Variants in RNGTT observed in about 807,000 individuals in gnomAD.
The protein encoded by RNGTT is RNA guanylyltransferase and 5'-phosphatase, also known as mRNA-capping enzyme.
Under a neutral mutation model 79.3 loss-of-function variants are expected in RNGTT, and 33 were observed. That is an observed-to-expected ratio of 0.42 (90% CI 0.32 to 0.56). The LOEUF is 0.56. Among genes scored for constraint, RNGTT ranks in the 20% least tolerant of loss-of-function variants. The pLI is 0.17. For missense variants in RNGTT, 497 were observed against 739.1 expected (o/e 0.67, Z 3.80); for synonymous variants, 222 against 235.9 (o/e 0.94, Z 0.54).
intron 12 of RNGTT, among the ~76,000 whole-genome samples, chr6:88,770,890 T>G (rs1778633145): frequency 6.6e-6 from 1 of 152,168 alleles, no homozygotes; most frequent in East Asian, 1.9e-4. Context: ...TGTTTATTGC[T>G]ATCTGTATAC....
chr6:88,806,888 T>A (rs1018056300), intron 11 of RNGTT, among the ~76,000 whole-genome samples: 3 of 152,116 alleles, frequency 2.0e-5, no homozygotes, highest in Non-Finnish European at 2.9e-5. Context: ...ATGATACATA[T>A]ACACAATGGA....
At chr6:88,939,260 G>A (rs2127957849) in intron 2 of RNGTT, among the ~76,000 whole-genome samples, 1 of 152,122 alleles carries the variant, frequency 6.6e-6, no homozygotes, top group Non-Finnish European at 1.5e-5. Context: ...CCACTTTCTG[G>A]TGTCCTATAT....
At position 88,638,525 on chromosome 6, in the gene RNGTT, T is replaced by C. The variant is rs751611069; in HGVS notation, c.1507-24130A>G. Among the ~76,000 whole-genome samples, 48 of 152,170 alleles carry C rather than the reference T, an allele frequency of 3.2e-4. 1 individual carries two copies. Among genetic ancestry groups the C allele is most frequent in the Non-Finnish European group, 4.6e-4 (31 of 67,990 alleles). ...TTATCTCTAAGACAGAAGGTATCTT[T>C]GTTGTGATAAGTTCAATGTTCTACC... is the stretch of plus-strand genomic sequence containing the variant. On this transcript the variant is annotated intron_variant, in intron 14 of 15. Transcript: ENST00000369485.
chr6:88,693,443 A>T (rs933063282), intron 13 of RNGTT, among the ~76,000 whole-genome samples: 2 of 152,136 alleles, frequency 1.3e-5, no homozygotes, highest in East Asian at 3.8e-4. Context: ...GAACAAACCA[A>T]TTACAAGTAA....
intron 11 of RNGTT, among the ~76,000 whole-genome samples, chr6:88,830,872 C>A (rs1267974393): frequency 6.6e-6 from 1 of 152,156 alleles, no homozygotes; most frequent in Admixed American, 6.5e-5. Flanking sequence ...CATACACTCT[C>A]CCAAGACTAA....
intron 14 of RNGTT, among the ~76,000 whole-genome samples, chr6:88,673,861 TTC>T: frequency 6.6e-6 from 1 of 152,350 alleles, no homozygotes; most frequent in South Asian, 2.1e-4. Flanking sequence ...TCAGATAAGC[TTC>T]TCTCTTTTTA....
At chr6:88,872,175 C>T (rs1782379683) in intron 8 of RNGTT, among the ~76,000 whole-genome samples, 2 of 152,060 alleles carry the variant, frequency 1.3e-5, no homozygotes, top group Admixed American at 1.3e-4. Flanking sequence ...TTTTCTCTTG[C>T]TAATCTATGT....
intron 12 of RNGTT, among the ~76,000 whole-genome samples, chr6:88,793,045 A>G (rs960674423): frequency 6.6e-6 from 1 of 152,226 alleles, no homozygotes; most frequent in Non-Finnish European, 1.5e-5. Flanking sequence ...TATGTACCAC[A>G]TCCTTCTTAC....
At chr6:88,772,635 A>AC (rs36153646) in intron 12 of RNGTT, among the ~76,000 whole-genome samples, 80,362 of 151,614 alleles carry the variant, frequency 0.53, 22,744 homozygotes, top group African/African-American at 0.74. Flanking sequence ...AGAAAAAAAA[A>AC]GACCCCATCA....
chr6:88,778,213 T>G (rs1398738192), intron 12 of RNGTT, among the ~76,000 whole-genome samples: 1 of 152,108 alleles, frequency 6.6e-6, no homozygotes, highest in Non-Finnish European at 1.5e-5. Context: ...GTCTTAAAAT[T>G]GATTATAGAG....
At chr6:88,797,676 AAAAAG>A (rs1390914674) in intron 12 of RNGTT, among the ~76,000 whole-genome samples, 1 of 152,070 alleles carries the variant, frequency 6.6e-6, no homozygotes, top group Non-Finnish European at 1.5e-5. Context: ...ACTTTTCTAA[AAAAAG>A]AAAATACAAT....
rs6911985 is a variant in RNGTT, at chr6:88,858,162, C to T, written c.897-4398G>A. ...TCATTTACATTGATTTATTTCACCA[C>T]CATCTCTATCTCTATCCATTTTTCC... On this transcript the variant is annotated intron_variant, in intron 8 of 15. Transcript: ENST00000369485. 7.8e-3 allele frequency among the ~76,000 whole-genome samples: 1,182 copies of T among 152,224 alleles called. 7 individuals are homozygous for T. Among genetic ancestry groups the T allele is most frequent in the African/African-American group, 0.026 (1,093 of 41,540 alleles).
chr6:88,800,937 T>A (rs1272836239), intron 12 of RNGTT, among the ~76,000 whole-genome samples: 1 of 152,164 alleles, frequency 6.6e-6, no homozygotes, highest in Admixed American at 6.5e-5. Flanking sequence ...CATCCTACCA[T>A]GCACAAGACA....
At chr6:88,916,247 T>TA (rs1554231173) in intron 4 of RNGTT, among the ~76,000 whole-genome samples, 1 of 152,090 alleles carries the variant, frequency 6.6e-6, no homozygotes, top group Non-Finnish European at 1.5e-5. Flanking sequence ...CCAAGGCGGG[T>TA]AGATCACTTG....
At chr6:88,962,717 CAG>C (rs1785676089) in intron 1 of RNGTT, among the ~76,000 whole-genome samples, 1 of 151,852 alleles carries the variant, frequency 6.6e-6, no homozygotes, top group East Asian at 1.9e-4. Context: ...GCCTGGACGA[CAG>C]AGAGAGACTA....
intron 14 of RNGTT, among the ~76,000 whole-genome samples, chr6:88,645,601 G>C (rs1313800856): frequency 2.0e-5 from 3 of 152,106 alleles, no homozygotes; most frequent in Admixed American, 6.5e-5. Context: ...TGACTCCAAA[G>C]TATACTACAA....
In RNGTT at chr6:88,734,443, T is replaced by A. The variant is rs1187216453; in HGVS notation, c.1439+35331A>T. ...ACAAGTACAACAAATAAAAAACAGA[T>A]ATAAACATGGTTGATATTAATCCAA... On this transcript the variant is annotated intron_variant, in intron 13 of 15. Coordinates refer to ENST00000369485, the MANE Select transcript of RNGTT (RefSeq NM_003800.5). Among the ~76,000 whole-genome samples, 5 of 152,088 alleles carry A rather than the reference T, an allele frequency of 3.3e-5. No individual in the cohort carries two copies. In the East Asian group the frequency reaches 9.6e-4, roughly 29 times the overall value.
rs182893908 is a variant in RNGTT, at chr6:88,956,017, G to A, written c.64+7329C>T. ...GATGGCATCACTGCACTCCAGCCTG[G>A]GTGACAGAGCGAGACTCTGTCTCAA... On this transcript the variant is annotated intron_variant, in intron 1 of 15. Transcript: ENST00000369485. Among the ~76,000 whole-genome samples, 9 of 145,936 alleles carry A rather than the reference G, an allele frequency of 6.2e-5. No homozygotes were observed. The East Asian group carries it at 1.8e-3, about 29-fold the overall frequency.
chr6:88,677,569 C>T (rs936246326), intron 14 of RNGTT, among the ~76,000 whole-genome samples: 2 of 151,874 alleles, frequency 1.3e-5, no homozygotes, highest in Non-Finnish European at 2.9e-5. Context: ...CAGGTTCAGG[C>T]GATCCTCTTG....
Sources: gnomAD v4.1 joint callset for allele counts (sites outside exome capture counted in the v4.1 genomes callset) on GRCh38, gnomAD v4.1.1 for gene constraint, MANE v1.5 for transcripts, NCBI Gene and HGNC (gene_info 2026-07-23, HGNC 2026-07-21) for gene names.